The following IL5RA variants were observed in gnomAD, a reference collection of about 807,000 sequenced individuals.
IL5RA encodes interleukin-5 receptor subunit alpha.
Under a neutral mutation model 50.0 loss-of-function variants are expected in IL5RA, and 49 were observed. The ratio of observed to expected loss-of-function variants is 0.98; its 90% CI spans 0.78 to 1.24. IL5RA has a LOEUF of 1.24. IL5RA is among the 50% of genes most tolerant of loss of function. The pLI, the probability that IL5RA is intolerant of heterozygous loss-of-function variation, is 0.00. For missense variants in IL5RA, 600 were observed against 500.4 expected (o/e 1.20, Z -1.90); for synonymous variants, 202 against 174.0 (o/e 1.16, Z -1.26).
rs1467655078 is a variant in IL5RA at position 3,101,803 on chromosome 3, A to G, written c.256T>C (p.Cys86Arg). The change falls in exon 5 of 12, where the codon TGT becomes CGT. Residue 86 changes from cysteine to arginine, a missense_variant. Transcript: ENST00000446632. ...DYETRITESK[C>R]VTILHKGFSA... is the part of the protein sequence containing the mutation. ...AAGCCTTTGTGGAGGATGGTTACAC[A>G]TTTGCTTTCAGTGATTCTGGTTTCA... 5 of 1,613,886 alleles carry G rather than the reference A, an allele frequency of 3.1e-6. No individual in the cohort carries two copies. In the Admixed American group the frequency reaches 5.0e-5, roughly 16 times the overall value.
intron 9 of IL5RA, among the ~76,000 whole-genome samples, chr3:3,080,718 A>G (rs966123280): frequency 1.3e-5 from 2 of 152,206 alleles, no homozygotes; most frequent in African/African-American, 4.8e-5. Context: ...TATATGAGAT[A>G]GAGTCTTGCT....
At chr3:3,093,871 T>C (rs1477999228) in intron 8 of IL5RA, among the ~76,000 whole-genome samples, 4 of 152,256 alleles carry the variant, frequency 2.6e-5, no homozygotes, top group East Asian at 3.8e-4. Context: ...CTACTCTCTG[T>C]AAGACATAAG....
Position 3,068,369 on chromosome 3 carries a change from C to A in IL5RA, c.*1856G>T, listed in dbSNP as rs1038963152. 6.6e-6 allele frequency: 1 copy of A among 151,248 alleles called. No individual in the cohort carries two copies. The highest frequency in any genetic ancestry group is 1.5e-5 in the Non-Finnish European group (1 of 67,960). 9.4% of individuals were successfully genotyped at this position (151,248 alleles called of 1,614,324 possible). ...GGTGTATCGCTTGAGCCCAGGAGTTCGAGATGAACCTAGACAGCATGGCAA... is the reference window on the plus strand; with the variant it reads ...GGTGTATCGCTTGAGCCCAGGAGTTAGAGATGAACCTAGACAGCATGGCAA... On this transcript the variant is annotated 3_prime_UTR_variant, in exon 12 of 12. Transcript: ENST00000446632.
chr3:3,108,680 A>G lies in IL5RA; in HGVS notation c.-134T>C, dbSNP rs933340849. Reference sequence around the variant, plus strand: ...GCGTCAGGCACAGGACCAATGCTCAATGTGCCTGGCCCTGTGTGGAATAGA... The same window carrying G: ...GCGTCAGGCACAGGACCAATGCTCAGTGTGCCTGGCCCTGTGTGGAATAGA... On this transcript the variant is annotated 5_prime_UTR_variant, in exon 2 of 12. Transcript: ENST00000446632. 2 of 152,186 alleles carry G rather than the reference A, an allele frequency of 1.3e-5. No individual in the cohort carries two copies. Among genetic ancestry groups the G allele is most frequent in the Non-Finnish European group, 2.9e-5 (2 of 68,060 alleles). 9.4% of individuals were successfully genotyped at this position (152,186 alleles called of 1,614,324 possible).
rs977837931 is a variant in IL5RA at position 3,099,664 on chromosome 3, A to ATTAT, written c.368-1378_368-1375dup. Among the ~76,000 whole-genome samples the ATTAT allele has an allele frequency of 9.5e-5, 14 of 147,110 alleles. No homozygotes were observed. The East Asian group carries it at 2.6e-3, about 27-fold the overall frequency. ...ACCTTCAGATTTTATTTTATTTATTATTATTATTATTATTATTATTATTTG... is the reference window on the plus strand; with the variant it reads ...ACCTTCAGATTTTATTTTATTTATTATTATTTATTATTATTATTATTATTATTTG... On this transcript the variant is annotated intron_variant, in intron 5 of 11. Transcript: ENST00000446632.
intron 9 of IL5RA, among the ~76,000 whole-genome samples, chr3:3,079,697 C>T (rs1459245853): frequency 6.6e-6 from 1 of 152,200 alleles, no homozygotes; most frequent in Non-Finnish European, 1.5e-5. Flanking sequence ...AGGGTACTGT[C>T]ACTTCATGTA....
chr3:3,108,282 A>C (rs1389964385), intron 2 of IL5RA, among the ~76,000 whole-genome samples: 1 of 152,218 alleles, frequency 6.6e-6, no homozygotes, highest in Non-Finnish European at 1.5e-5. Flanking sequence ...ATGAATAATA[A>C]GGACCACTTA....
chr3:3,080,759 ATCATAGC>A (rs1197437869), intron 9 of IL5RA, among the ~76,000 whole-genome samples: 2 of 152,184 alleles, frequency 1.3e-5, no homozygotes, highest in African/African-American at 2.4e-5. Flanking sequence ...CAGTGGCATG[ATCATAGC>A]TCCCTGCAGA....
chr3:3,102,292 G>C, intron 4 of IL5RA, among the ~76,000 whole-genome samples: 1 of 152,182 alleles, frequency 6.6e-6, no homozygotes, highest in East Asian at 1.9e-4. Flanking sequence ...GAAGAACTGG[G>C]TTTTGAACTT....
rs558907874 is a variant in IL5RA at position 3,090,008 on chromosome 3, G to C, written c.994+2216C>G. 5.5e-5 allele frequency: 30 copies of C among 541,196 alleles called. No individual in the cohort carries two copies. In the East Asian group the frequency reaches 1.0e-3, roughly 18 times the overall value. 33.5% of individuals were successfully genotyped at this position (541,196 alleles called of 1,614,324 possible). Reference sequence around the variant, plus strand: ...CAGAGTGTCCAGAGATCAAGTGCTAGAGTCAGTTAATCTGGGGTTAGAGCC... The same window carrying C: ...CAGAGTGTCCAGAGATCAAGTGCTACAGTCAGTTAATCTGGGGTTAGAGCC... On this transcript the variant is annotated intron_variant, in intron 9 of 11. Coordinates refer to ENST00000446632, the MANE Select transcript of IL5RA (RefSeq NM_175726.4).
intron 9 of IL5RA, chr3:3,090,084 A>C: frequency 1.1e-6 from 1 of 938,510 alleles, no homozygotes; most frequent in Non-Finnish European, 1.6e-6. Flanking sequence ...CCAATTACCT[A>C]AACTTTCCAA....
rs73122541 is a variant in IL5RA, at chr3:3,097,862, G to A, written c.709+8C>T. ...AGTTATTTCAGCTTTGGGTTAAGTC[G>A]GTCTTACCAATGGCGTGAAGGGCAA... On this transcript the variant is annotated splice_region_variant and intron_variant, in intron 7 of 11. Transcript: ENST00000446632. 6.2e-4 allele frequency: 998 copies of A among 1,607,568 alleles called. 2 individuals are homozygous for A. The African/African-American group carries it at 0.011, about 17-fold the overall frequency.
intron 9 of IL5RA, among the ~76,000 whole-genome samples, chr3:3,085,604 G>A (rs1460720164): frequency 1.3e-5 from 2 of 152,134 alleles, no homozygotes; most frequent in Non-Finnish European, 1.5e-5. Flanking sequence ...GGTGACTTCA[G>A]TTTTTGATTC....
chr3:3,090,652 C>T (rs551116192), intron 9 of IL5RA, among the ~76,000 whole-genome samples: 12 of 150,038 alleles, frequency 8.0e-5, no homozygotes, highest in East Asian at 3.9e-4. Context: ...CTGCAAGCTC[C>T]GCCTCCCGGG....
chr3:3,077,007 G>C (rs187284155), intron 9 of IL5RA, among the ~76,000 whole-genome samples: 1 of 152,232 alleles, frequency 6.6e-6, no homozygotes, highest in East Asian at 1.9e-4. Context: ...AAAAAGATAA[G>C]CCTATTGAGT....
chr3:3,070,737 C>T (rs184717289), intron 11 of IL5RA, among the ~76,000 whole-genome samples: 43 of 152,038 alleles, frequency 2.8e-4, no homozygotes, highest in African/African-American at 1.0e-3. Context: ...TACACACCAC[C>T]ATGCCCGGCT....
chr3:3,076,494 AC>A, intron 10 of IL5RA, 36 bp downstream of exon 10: 1 of 1,286,988 alleles, frequency 7.8e-7, no homozygotes, highest in South Asian at 1.2e-5. Context: ...CAGTACTGAA[AC>A]CCCACTGCAA....
rs184526096 is a variant in IL5RA, at chr3:3,104,971, G to A, written c.14C>T (p.Ala5Val). The change falls in exon 3 of 12, where the codon GCG becomes GTG. Residue 5 changes from alanine (A) to valine (V), a missense_variant. Ala to Val is a moderately conservative substitution (Grantham distance 64, BLOSUM62 0). Transcript: ENST00000446632. ...CCCCAAAAGGATGAGTAATACATGC[G>A]CCACGATGATCATATCCTACAGAAA... The part of the protein sequence containing the change: MIIV[A>V]HVLLILLGAT... 10 of 1,610,588 alleles carry A rather than the reference G, an allele frequency of 6.2e-6. No homozygotes were observed. The highest frequency in any genetic ancestry group is 4.0e-5 in the African/African-American group (3 of 74,780).
chr3:3,076,411 C>CA, intron 10 of IL5RA, 120 bp downstream of exon 10: 4 of 669,334 alleles, frequency 6.0e-6, no homozygotes, highest in Non-Finnish European at 1.1e-5. Context: ...CATCTAGGCA[C>CA]AAAAATGCCA....
Sources: gnomAD v4.1 joint callset for allele counts (sites outside exome capture counted in the v4.1 genomes callset) on GRCh38, gnomAD v4.1.1 for gene constraint, MANE v1.5 for transcripts, NCBI Gene and HGNC (gene_info 2026-07-23, HGNC 2026-07-21) for gene names.